RASGRP1: variants seen among roughly 807,000 people sequenced by gnomAD.
RASGRP1 encodes the protein RAS guanyl-releasing protein 1.
RASGRP1 carries 37 observed loss-of-function variants against 95.1 expected under a neutral mutation model. That is an observed-to-expected ratio of 0.39 (90% CI 0.30 to 0.51). RASGRP1 has a LOEUF of 0.51. RASGRP1 is among the 20% of genes least tolerant of loss of function. The pLI is 0.80. For missense variants in RASGRP1, 711 were observed against 965.4 expected, an observed-to-expected ratio of 0.74 and a Z score of 3.49; for synonymous variants, 325 against 353.4, an observed-to-expected ratio of 0.92 and a Z score of 0.90.
chr15:38,528,160 T>C (rs1463932182), intron 2 of RASGRP1, among the ~76,000 whole-genome samples: 1 of 152,012 alleles, frequency 6.6e-6, no homozygotes, highest in Non-Finnish European at 1.5e-5. Context: ...CCTGCATTTG[T>C]CCATTTTCTC....
chr15:38,547,697 C>T (rs1289060124), intron 2 of RASGRP1, among the ~76,000 whole-genome samples: 4 of 151,734 alleles, frequency 2.6e-5, no homozygotes, highest in East Asian at 1.9e-4. Flanking sequence ...ATTTTAAAAA[C>T]GGGCAAACAA....
chr15:38,529,729 A>G (rs1195397435), intron 2 of RASGRP1, among the ~76,000 whole-genome samples: 1 of 152,218 alleles, frequency 6.6e-6, no homozygotes, highest in Non-Finnish European at 1.5e-5. Flanking sequence ...GATTCATTCA[A>G]CATTTCTTGA....
chr15:38,564,503 A>G (rs1334703037), intron 1 of RASGRP1, 91 bp downstream of exon 1: 4 of 1,184,548 alleles, frequency 3.4e-6, no homozygotes, highest in Middle Eastern at 2.8e-4. Context: ...TCCGCCCTCA[A>G]CTTCCCTCGG....
chr15:38,507,664 G>T, intron 9 of RASGRP1, 62 bp downstream of exon 9: 2 of 1,501,932 alleles, frequency 1.3e-6, no homozygotes, highest in South Asian at 1.3e-5. Context: ...TTGGTAAGGG[G>T]TATAGAATGG....
intron 12 of RASGRP1, 119 bp from the exon 13 acceptor site, chr15:38,501,406 T>C: frequency 8.5e-7 from 1 of 1,181,462 alleles, no homozygotes; most frequent in Non-Finnish European, 1.2e-6. Flanking sequence ...TAATATGGTA[T>C]GTGCTACCTC....
chr15:38,519,294 A>G lies in RASGRP1; in HGVS notation c.389+15T>C, dbSNP rs372162632. The G allele has an allele frequency of 1.3e-5, 20 of 1,516,354 alleles. No individual in the cohort carries two copies. The highest frequency in any genetic ancestry group is 1.8e-5 in the Non-Finnish European group (20 of 1,094,892). 93.9% of individuals were successfully genotyped at this position (1,516,354 alleles called of 1,614,324 possible). ...CTTGCTCCACAAAGTCTTGAAATAC[A>G]TAAAGAAACATTACCTTACAAAATA... On this transcript the variant is annotated intron_variant, in intron 4 of 16. Coordinates refer to ENST00000310803, the MANE Select transcript of RASGRP1 (RefSeq NM_005739.4).
At chr15:38,531,396 G>T (rs182424936) in intron 2 of RASGRP1, among the ~76,000 whole-genome samples, 10 of 152,150 alleles carry the variant, frequency 6.6e-5, no homozygotes, top group Non-Finnish European at 1.5e-4. Context: ...AGTCCTTATG[G>T]CTACAAGTCT....
chr15:38,510,435 CAG>C (rs1199029777), intron 8 of RASGRP1, among the ~76,000 whole-genome samples: 4 of 152,158 alleles, frequency 2.6e-5, no homozygotes, highest in Admixed American at 6.5e-5. Flanking sequence ...ATTGTGATAA[CAG>C]AGATAATAAA....
chr15:38,542,285 A>T (rs1892897614), intron 2 of RASGRP1, among the ~76,000 whole-genome samples: 1 of 152,092 alleles, frequency 6.6e-6, no homozygotes, highest in East Asian at 1.9e-4. Context: ...ATTGATCACA[A>T]CCAGTTACAG....
rs1489728299 is a variant in RASGRP1, at chr15:38,489,978, T to C, written c.*576A>G. The C allele has an allele frequency of 6.6e-6, 1 of 152,376 alleles. No individual in the cohort carries two copies. Among genetic ancestry groups the C allele is most frequent in the Non-Finnish European group, 1.5e-5 (1 of 67,914 alleles). 9.4% of individuals were successfully genotyped at this position (152,376 alleles called of 1,614,324 possible). On this transcript the variant is annotated 3_prime_UTR_variant, in exon 17 of 17. Coordinates refer to ENST00000310803, the MANE Select transcript of RASGRP1 (RefSeq NM_005739.4). ...AAAGTTGTGGCTACATCAGTAGAAA[T>C]TGGCTTCTAGGTAGATATGCTCATG...
At chr15:38,533,905 G>T (rs1190712787) in intron 2 of RASGRP1, among the ~76,000 whole-genome samples, 1 of 152,202 alleles carries the variant, frequency 6.6e-6, no homozygotes, top group Non-Finnish European at 1.5e-5. Context: ...CCAGTTTCAA[G>T]CTACCAACAT....
intron 2 of RASGRP1, among the ~76,000 whole-genome samples, chr15:38,545,155 AG>A (rs1893060857): frequency 6.6e-6 from 1 of 152,236 alleles, no homozygotes. Context: ...AAGAAAACAA[AG>A]GGGAAAACCC....
chr15:38,511,591 C>G lies in RASGRP1; in HGVS notation c.966+13G>C. The G allele has an allele frequency of 6.3e-7, 1 of 1,594,876 alleles. No homozygotes were observed. The highest frequency in any genetic ancestry group is 8.6e-7 in the Non-Finnish European group (1 of 1,162,834). ...ATGCTGCTAAGGGCCCCAGAGAAGACAGTAGCACTGACCTTATTGATTTCA... is the reference window on the plus strand; with the variant it reads ...ATGCTGCTAAGGGCCCCAGAGAAGAGAGTAGCACTGACCTTATTGATTTCA... On this transcript the variant is annotated intron_variant, in intron 8 of 16. Transcript: ENST00000310803.
At chr15:38,493,939 A>G (rs1890693531) in intron 16 of RASGRP1, among the ~76,000 whole-genome samples, 1 of 152,202 alleles carries the variant, frequency 6.6e-6, no homozygotes, top group Non-Finnish European at 1.5e-5. Flanking sequence ...GAACATGTTA[A>G]AGAGACCTCT....
intron 11 of RASGRP1, chr15:38,502,797 C>T: frequency 4.1e-6 from 1 of 243,480 alleles, no homozygotes; most frequent in Non-Finnish European, 8.0e-6. Context: ...GTGCTCTGTC[C>T]CCACTGTTAA....
intron 11 of RASGRP1, chr15:38,503,042 T>C (rs28507498): frequency 0.056 from 31,649 of 561,794 alleles, 1,189 homozygotes; most frequent in Non-Finnish European, 0.071. Context: ...TTTAAGCATA[T>C]GCTCTTTTGC....
At chr15:38,538,902 G>A (rs904864731) in intron 2 of RASGRP1, among the ~76,000 whole-genome samples, 3 of 152,168 alleles carry the variant, frequency 2.0e-5, no homozygotes, top group Admixed American at 2.0e-4. Flanking sequence ...AATAGTTACG[G>A]TGCCTGACAG....
intron 2 of RASGRP1, among the ~76,000 whole-genome samples, chr15:38,542,613 G>T (rs886565121): frequency 1.1e-4 from 17 of 150,824 alleles, no homozygotes; most frequent in African/African-American, 3.7e-4. Flanking sequence ...TGTTCTCAGG[G>T]CAACATGCAA....
intron 2 of RASGRP1, among the ~76,000 whole-genome samples, chr15:38,533,763 G>A (rs1892534639): frequency 6.6e-6 from 1 of 152,232 alleles, no homozygotes; most frequent in Non-Finnish European, 1.5e-5. Flanking sequence ...CAGGGAAAGT[G>A]AGAATCCATT....
Sources: allele counts gnomAD v4.1 joint callset (sites outside exome capture counted in the v4.1 genomes callset), GRCh38; gene constraint gnomAD v4.1.1; transcripts MANE v1.5; gene names NCBI Gene and HGNC (gene_info 2026-07-23, HGNC 2026-07-21).